The following SMYD3 variants were observed in gnomAD, a reference collection of about 807,000 sequenced individuals.
The protein encoded by SMYD3 is SET and MYND domain containing 3.
Under a neutral mutation model 57.7 loss-of-function variants are expected in SMYD3, and 36 were observed. The observed-to-expected ratio is 0.62, with a 90% confidence interval of 0.48 to 0.82. The LOEUF (loss-of-function observed/expected upper bound fraction) is 0.82. Ranked by LOEUF, SMYD3 falls within the 40% of genes least tolerant of loss-of-function variation. The pLI is 0.00. For synonymous variants in SMYD3, 211 were observed against 195.0 expected, an observed-to-expected ratio of 1.08 and a Z score of -0.68; for missense variants, 515 against 538.8, an observed-to-expected ratio of 0.96 and a Z score of 0.44.
intron 11 of SMYD3, among the ~76,000 whole-genome samples, chr1:245,757,515 G>T (rs1464144679): frequency 6.6e-6 from 1 of 152,004 alleles, no homozygotes; most frequent in Non-Finnish European, 1.5e-5. Context: ...AATGTCATGA[G>T]GCTTTTTCCT....
chr1:246,244,895 G>A (rs78824150), intron 5 of SMYD3, among the ~76,000 whole-genome samples: 390 of 152,202 alleles, frequency 2.6e-3, no homozygotes, highest in African/African-American at 8.6e-3. Context: ...CATTATTCAT[G>A]AACTATTCTG....
intron 5 of SMYD3, among the ~76,000 whole-genome samples, chr1:246,257,865 C>A (rs1455658838): frequency 6.6e-6 from 1 of 152,116 alleles, no homozygotes; most frequent in Non-Finnish European, 1.5e-5. Flanking sequence ...AGGTGTCACA[C>A]CACCCTTCCC....
chr1:245,966,295 C>T (rs1008983619), intron 5 of SMYD3, among the ~76,000 whole-genome samples: 6 of 152,038 alleles, frequency 3.9e-5, no homozygotes, highest in African/African-American at 1.4e-4. Context: ...CCTCAGCCTC[C>T]CCACTAGAAC....
chr1:245,942,997 G>T (rs1422630986), intron 5 of SMYD3, among the ~76,000 whole-genome samples: 1 of 151,856 alleles, frequency 6.6e-6, no homozygotes, highest in Non-Finnish European at 1.5e-5. Flanking sequence ...GTTAAGAGGG[G>T]AATTTATGGT....
intron 2 of SMYD3, among the ~76,000 whole-genome samples, chr1:246,342,193 C>G (rs1232348932): frequency 6.6e-6 from 1 of 152,060 alleles, no homozygotes; most frequent in Non-Finnish European, 1.5e-5. Flanking sequence ...CCCACTTATT[C>G]AACAGTTTCA....
intron 5 of SMYD3, among the ~76,000 whole-genome samples, chr1:246,227,533 T>C (rs2063347092): frequency 6.6e-6 from 1 of 152,038 alleles, no homozygotes; most frequent in South Asian, 2.1e-4. Flanking sequence ...GAGAATCACT[T>C]GAACGTGGGA....
intron 5 of SMYD3, among the ~76,000 whole-genome samples, chr1:246,097,195 C>T (rs558280602): frequency 2.0e-5 from 3 of 152,238 alleles, no homozygotes; most frequent in African/African-American, 7.2e-5. Context: ...CAATCCATTC[C>T]CTTTACATTT....
At chr1:245,839,990 A>G (rs1230341294) in intron 10 of SMYD3, among the ~76,000 whole-genome samples, 1 of 152,172 alleles carries the variant, frequency 6.6e-6, no homozygotes, top group Non-Finnish European at 1.5e-5. Flanking sequence ...CTAAGAGATA[A>G]AATTTTGATT....
intron 1 of SMYD3, among the ~76,000 whole-genome samples, chr1:246,367,149 C>T (rs963274149): frequency 5.3e-5 from 8 of 151,970 alleles, no homozygotes; most frequent in African/African-American, 1.7e-4. Flanking sequence ...TAAATTGTAA[C>T]GATTTTTCTG....
chr1:246,470,261 G>A (rs1167076429), intron 1 of SMYD3, among the ~76,000 whole-genome samples: 1 of 152,036 alleles, frequency 6.6e-6, no homozygotes, highest in Non-Finnish European at 1.5e-5. Context: ...GGAGGTCGAG[G>A]CGGGAGGATC....
intron 8 of SMYD3, among the ~76,000 whole-genome samples, chr1:245,886,437 G>A (rs1572595323): frequency 6.6e-6 from 1 of 152,090 alleles, no homozygotes; most frequent in Admixed American, 6.5e-5. Context: ...TAATTACTGG[G>A]AAGTACAGCT....
At chr1:245,827,629 G>GTA (rs35524526) in intron 10 of SMYD3, among the ~76,000 whole-genome samples, 127,488 of 152,084 alleles carry the variant, frequency 0.84, 54,924 homozygotes, top group Non-Finnish European at 0.95. Context: ...CCTACTCTAT[G>GTA]ATCTTCCAAG....
At chr1:246,127,506 T>C (rs909185869) in intron 5 of SMYD3, among the ~76,000 whole-genome samples, 2 of 152,204 alleles carry the variant, frequency 1.3e-5, no homozygotes, top group African/African-American at 2.4e-5. Context: ...AGCTAATTTC[T>C]AGTTTGTTTT....
At chr1:245,827,751 G>C (rs1179428117) in intron 10 of SMYD3, among the ~76,000 whole-genome samples, 1 of 152,294 alleles carries the variant, frequency 6.6e-6, no homozygotes, top group South Asian at 2.1e-4. Flanking sequence ...TGCAATCTAA[G>C]AGCTGGGTGG....
intron 11 of SMYD3, among the ~76,000 whole-genome samples, chr1:245,762,492 C>T (rs972740604): frequency 6.6e-6 from 1 of 152,146 alleles, no homozygotes; most frequent in African/African-American, 2.4e-5. Context: ...CTTGCTGATT[C>T]GACTGGCTGA....
At position 245,789,710 on chromosome 1, in the gene SMYD3, G is replaced by A. The variant is rs560307634; in HGVS notation, c.1077-25561C>T. ...ACCATTTTCCAATTCTCCTCAACAC[G>A]AATAGCTGACTTCTTTCACTGCTCC... On this transcript the variant is annotated intron_variant, in intron 10 of 11. Coordinates refer to ENST00000490107, the MANE Select transcript of SMYD3 (RefSeq NM_001167740.2). Among the ~76,000 whole-genome samples the A allele has an allele frequency of 2.9e-4, 44 of 152,184 alleles. 1 individual carries two copies. The South Asian group carries it at 8.5e-3, about 30-fold the overall frequency.
At chr1:246,384,358 A>C (rs2066434987) in intron 1 of SMYD3, among the ~76,000 whole-genome samples, 1 of 152,190 alleles carries the variant, frequency 6.6e-6, no homozygotes, top group African/African-American at 2.4e-5. Flanking sequence ...CACAAAAAGA[A>C]AATGTAACCA....
At chr1:245,942,158 G>GC (rs1427571855) in intron 5 of SMYD3, among the ~76,000 whole-genome samples, 2 of 152,156 alleles carry the variant, frequency 1.3e-5, no homozygotes, top group South Asian at 2.1e-4. Context: ...TGGGCTAAAT[G>GC]CCCCAATTAA....
chr1:246,248,783 A>T (rs1572276810), intron 5 of SMYD3, among the ~76,000 whole-genome samples: 1 of 145,894 alleles, frequency 6.9e-6, no homozygotes, highest in South Asian at 2.2e-4. Context: ...CTGGGACCAC[A>T]GGCGCCCGCC....
Sources: allele counts gnomAD v4.1 joint callset (sites outside exome capture counted in the v4.1 genomes callset), GRCh38; gene constraint gnomAD v4.1.1; transcripts MANE v1.5; gene names NCBI Gene and HGNC (gene_info 2026-07-23, HGNC 2026-07-21).